The following PIK3CB variants were observed in gnomAD, a reference collection of about 807,000 sequenced individuals.
PIK3CB encodes phosphatidylinositol-4,5-bisphosphate 3-kinase catalytic subunit beta.
Under a neutral mutation model 136.8 loss-of-function variants are expected in PIK3CB, and 39 were observed. That is an observed-to-expected ratio of 0.29 (90% CI 0.22 to 0.37). The LOEUF (loss-of-function observed/expected upper bound fraction) is 0.37. Among genes scored for constraint, PIK3CB ranks in the 10% least tolerant of loss-of-function variants. PIK3CB has a pLI of 1.00. For synonymous variants in PIK3CB, 428 were observed against 436.6 expected (o/e 0.98, Z 0.25); for missense variants, 868 against 1,275.4 (o/e 0.68, Z 4.87).
intron 17 of PIK3CB, 150 bp from the exon 18 acceptor site, chr3:138,683,937 A>G (rs1478831766): frequency 1.7e-6 from 1 of 582,264 alleles, no homozygotes; most frequent in African/African-American, 1.9e-5. Flanking sequence ...CACTTGGTAG[A>G]AAAGCAACCA....
At position 138,759,358 on chromosome 3, in the gene PIK3CB, C is replaced by A. The variant is rs1434639917; in HGVS notation, c.-15G>T. 2 of 1,586,638 alleles carry A rather than the reference C, an allele frequency of 1.3e-6. No individual in the cohort carries two copies. Among genetic ancestry groups the A allele is most frequent in the East Asian group, 2.2e-5 (1 of 44,602 alleles). ...CTGAAGCACATTCATAACCACGGGG[C>A]CCTAGAAATCAGTAATTAAAACATA... On this transcript the variant is annotated splice_region_variant and 5_prime_UTR_variant, in exon 3 of 24. Transcript: ENST00000674063.
chr3:138,758,370 A>G (rs1201859013), intron 3 of PIK3CB, among the ~76,000 whole-genome samples: 1 of 152,236 alleles, frequency 6.6e-6, no homozygotes, highest in Non-Finnish European at 1.5e-5. Flanking sequence ...ATGTCTAAAT[A>G]GTAAATTCCA....
At chr3:138,671,166 T>C (rs1037960513) in intron 19 of PIK3CB, among the ~76,000 whole-genome samples, 2 of 152,182 alleles carry the variant, frequency 1.3e-5, no homozygotes, top group Non-Finnish European at 2.9e-5. Flanking sequence ...ACCTCTAGCA[T>C]TTTAATTTTT....
chr3:138,778,710 G>C (rs2045888313), intron 2 of PIK3CB: 2 of 222,350 alleles, frequency 9.0e-6, no homozygotes, highest in Non-Finnish European at 1.8e-5. Flanking sequence ...GTTGGAGCTG[G>C]TATTGTTCTC....
chr3:138,782,091 T>C (rs968810787), intron 2 of PIK3CB, among the ~76,000 whole-genome samples: 5 of 152,218 alleles, frequency 3.3e-5, no homozygotes, highest in African/African-American at 1.2e-4. Flanking sequence ...AAATTCTTAT[T>C]TTCCAGAGAA....
chr3:138,683,815 A>T lies in PIK3CB; in HGVS notation c.2316-28T>A, dbSNP rs370231658. The T allele has an allele frequency of 3.2e-4, 354 of 1,103,568 alleles. 1 individual carries two copies. The highest frequency in any genetic ancestry group is 4.4e-4 in the Non-Finnish European group (316 of 716,018). 68.4% of individuals were successfully genotyped at this position (1,103,568 alleles called of 1,614,324 possible). ...GAAATCAAGTGGGGAAAATTAGTCA[A>T]CTTCAGTGTAATGATACAGAAGATT... On this transcript the variant is annotated intron_variant, in intron 17 of 23. Transcript: ENST00000674063.
intron 7 of PIK3CB, among the ~76,000 whole-genome samples, chr3:138,733,857 G>A (rs566823481): frequency 6.6e-5 from 10 of 151,872 alleles, no homozygotes; most frequent in Admixed American, 5.2e-4. Context: ...CAGCCTGGGC[G>A]ACAGAGCAAG....
chr3:138,810,277 G>T (rs1932958348), intron 1 of PIK3CB, among the ~76,000 whole-genome samples: 1 of 151,814 alleles, frequency 6.6e-6, no homozygotes, highest in African/African-American at 2.4e-5. Flanking sequence ...CCCCATCAAG[G>T]AAAGGAACTA....
Position 138,742,790 on chromosome 3 carries a change from A to AT in PIK3CB, c.398-10dup. 6.7e-7 allele frequency: 1 copy of AT among 1,485,512 alleles called. No homozygotes were observed. Among genetic ancestry groups the AT allele is most frequent in the Non-Finnish European group, 9.3e-7 (1 of 1,077,936 alleles). 92.0% of individuals were successfully genotyped at this position (1,485,512 alleles called of 1,614,324 possible). On this transcript the variant is annotated splice_polypyrimidine_tract_variant and intron_variant, in intron 4 of 23. Coordinates refer to ENST00000674063, the MANE Select transcript of PIK3CB (RefSeq NM_006219.3). ...ATCAAATTCATGCAGACCTAAACAC[A>AT]TTTTTTAAAGGTGTCATTTTCAGTA...
At chr3:138,809,841 T>C (rs1467806399) in intron 1 of PIK3CB, among the ~76,000 whole-genome samples, 1 of 152,178 alleles carries the variant, frequency 6.6e-6, no homozygotes, top group Non-Finnish European at 1.5e-5. Flanking sequence ...TAGAAGCAGA[T>C]ACCCCAGTAG....
At chr3:138,700,052 A>C (rs2044217132) in intron 12 of PIK3CB, among the ~76,000 whole-genome samples, 1 of 152,126 alleles carries the variant, frequency 6.6e-6, no homozygotes, top group South Asian at 2.1e-4. Context: ...AAAAAAATAG[A>C]AATTAAAAAA....
intron 16 of PIK3CB, among the ~76,000 whole-genome samples, chr3:138,685,812 T>C (rs2043878854): frequency 6.6e-6 from 1 of 152,012 alleles, no homozygotes; most frequent in Non-Finnish European, 1.5e-5. Context: ...GTATCAACAA[T>C]GGCCAACTAA....
At chr3:138,694,952 G>A (rs1010482353) in intron 13 of PIK3CB, 45 bp from the exon 14 acceptor site, 1 of 1,559,480 alleles carries the variant, frequency 6.4e-7, no homozygotes, top group African/African-American at 1.4e-5. Context: ...GGGGACAAAA[G>A]TAATCTAATT....
intron 1 of PIK3CB, among the ~76,000 whole-genome samples, chr3:138,801,143 C>T (rs777044555): frequency 2.0e-5 from 3 of 152,010 alleles, no homozygotes; most frequent in Non-Finnish European, 4.4e-5. Flanking sequence ...AGACTTCTAA[C>T]AAAATTCTCT....
Position 138,655,231 on chromosome 3 carries a change from G to T in PIK3CB, c.*158C>A. 1 of 668,814 alleles carries T rather than the reference G, an allele frequency of 1.5e-6. No homozygotes were observed. The highest frequency in any genetic ancestry group is 2.5e-6 in the Non-Finnish European group (1 of 392,748). 41.4% of individuals were successfully genotyped at this position (668,814 alleles called of 1,614,324 possible). On this transcript the variant is annotated 3_prime_UTR_variant, in exon 24 of 24. Transcript: ENST00000674063. Reference sequence around the variant, plus strand: ...AGAGGGAATCATCGGGGATTGTTCAGATTAGGTTCTGTGGGATGCCTTGTT... The same window carrying T: ...AGAGGGAATCATCGGGGATTGTTCATATTAGGTTCTGTGGGATGCCTTGTT...
intron 1 of PIK3CB, among the ~76,000 whole-genome samples, chr3:138,827,959 A>T (rs1417292218): frequency 1.3e-5 from 2 of 151,182 alleles, no homozygotes; most frequent in African/African-American, 4.9e-5. Context: ...CTGCACTCCA[A>T]CCTGGGTGAC....
chr3:138,813,279 C>A (rs573465900), intron 1 of PIK3CB, among the ~76,000 whole-genome samples: 1 of 152,182 alleles, frequency 6.6e-6, no homozygotes, highest in South Asian at 2.1e-4. Context: ...ATGGTTCACC[C>A]AGAGAGTTAA....
In PIK3CB at chr3:138,816,343, C is replaced by T. The variant is rs544762151; in HGVS notation, c.-122+18352G>A. Among the ~76,000 whole-genome samples the T allele has an allele frequency of 3.3e-4, 50 of 152,150 alleles. No homozygotes were observed. In the South Asian group the frequency reaches 7.5e-3, roughly 23 times the overall value. On this transcript the variant is annotated intron_variant, in intron 1 of 23. Transcript: ENST00000674063. ...GCATGGTGGCTCACGCCTATAATTCCAGCACTTTGGGAGACCAAGGCGGGT... is the reference window on the plus strand; with the variant it reads ...GCATGGTGGCTCACGCCTATAATTCTAGCACTTTGGGAGACCAAGGCGGGT...
intron 6 of PIK3CB, 99 bp from the exon 7 acceptor site, chr3:138,734,903 A>G: frequency 1.4e-6 from 1 of 733,852 alleles, no homozygotes; most frequent in Non-Finnish European, 2.1e-6. Context: ...ATGCACTGTG[A>G]AAGTATGTCT....
Sources: gnomAD v4.1 joint callset for allele counts (sites outside exome capture counted in the v4.1 genomes callset) on GRCh38, gnomAD v4.1.1 for gene constraint, MANE v1.5 for transcripts, NCBI Gene and HGNC (gene_info 2026-07-23, HGNC 2026-07-21) for gene names.